RAI14: variants seen among roughly 807,000 people sequenced by gnomAD.
RAI14 encodes the protein retinoic acid induced 14, also known as ankycorbin.
A neutral mutation model predicts 115.4 loss-of-function variants in RAI14; 45 were observed. The observed-to-expected ratio is 0.39, with a 90% CI of 0.31 to 0.50. RAI14 has a LOEUF of 0.50. Among genes scored for constraint, RAI14 ranks in the 20% least tolerant of loss-of-function variants. The probability of loss-of-function intolerance (pLI) is 0.85; values close to 1 mark genes in which losing one functional copy is unlikely to be tolerated. For synonymous variants in RAI14, 371 were observed against 415.4 expected (o/e 0.89, Z 1.30); for missense variants, 939 against 1,131.2 (o/e 0.83, Z 2.44).
intron 2 of RAI14, among the ~76,000 whole-genome samples, chr5:34,738,202 T>A (rs1156654752): frequency 6.6e-6 from 1 of 152,092 alleles, no homozygotes; most frequent in African/African-American, 2.4e-5. Context: ...GGCAGGTGGA[T>A]TGCTTGAGCT....
intron 2 of RAI14, among the ~76,000 whole-genome samples, chr5:34,708,971 T>TA (rs1741066733): frequency 1.3e-5 from 2 of 151,232 alleles, no homozygotes. Context: ...AGCAAGACCC[T>TA]ATCTCTATAA....
intron 3 of RAI14, among the ~76,000 whole-genome samples, chr5:34,770,893 A>G (rs1338456692): frequency 6.6e-6 from 1 of 152,206 alleles, no homozygotes; most frequent in Non-Finnish European, 1.5e-5. Context: ...CTCTCCAGAA[A>G]GACATCATAT....
intron 2 of RAI14, among the ~76,000 whole-genome samples, chr5:34,751,618 A>G (rs1747032175): frequency 6.6e-6 from 1 of 151,896 alleles, no homozygotes; most frequent in Admixed American, 6.6e-5. Context: ...TAGTTTGTTC[A>G]TTTTCATTGC....
chr5:34,796,060 C>A (rs746200754), intron 4 of RAI14, 33 bp downstream of exon 4: 2 of 1,514,822 alleles, frequency 1.3e-6, no homozygotes, highest in African/African-American at 1.4e-5. Context: ...AGTCAGCAGG[C>A]CAGCACCAGA....
Position 34,823,163 on chromosome 5 carries a change from C to A in RAI14, c.1321C>A (p.Leu441Ile). ...GCAACTGCAAGAGATTTTGCAAGAT[C>A]TACAGAAGAGATTAGAGAGCTCTGA... ...IQQLQEILQD[L>I]QKRLESSEAE... The change falls in exon 15 of 18, where the codon CTA (leucine) becomes ATA (isoleucine). Residue 441 changes from leucine to isoleucine, a missense_variant. Transcript: ENST00000265109. The surrounding 1 kb of genome is among the most constrained non-coding windows in gnomAD (Gnocchi z 4.5). 6.2e-7 allele frequency: 1 copy of A among 1,613,420 alleles called. No homozygotes were observed. Among genetic ancestry groups the A allele is most frequent in the Non-Finnish European group, 8.5e-7 (1 of 1,179,358 alleles).
chr5:34,680,084 T>A (rs1352211747), intron 1 of RAI14, among the ~76,000 whole-genome samples: 6 of 152,300 alleles, frequency 3.9e-5, no homozygotes, highest in African/African-American at 1.4e-4. Context: ...TAGTCTGAGA[T>A]GTAAATTTTC....
rs6888508 is a variant in RAI14, at chr5:34,754,331, C to T, written c.37-3137C>T. The stretch of plus-strand genomic sequence containing the variant: ...TCAGAATCCAGATTCCTGGATCAGA[C>T]GTCTAATTGGGACCCTACTTGGCCT... On this transcript the variant is annotated intron_variant, in intron 2 of 17. Transcript: ENST00000265109. 1.7e-3 allele frequency among the ~76,000 whole-genome samples: 253 copies of T among 152,214 alleles called. 1 individual carries two copies. Among genetic ancestry groups the T allele is most frequent in the African/African-American group, 5.8e-3 (241 of 41,550 alleles).
chr5:34,806,871 G>C (rs1029730089), intron 5 of RAI14, among the ~76,000 whole-genome samples: 1 of 152,180 alleles, frequency 6.6e-6, no homozygotes, highest in Non-Finnish European at 1.5e-5. Flanking sequence ...AAGAATACAG[G>C]CCCTAGCCCA....
intron 2 of RAI14, among the ~76,000 whole-genome samples, chr5:34,719,743 T>C (rs1220087438): frequency 6.6e-6 from 1 of 152,204 alleles, no homozygotes; most frequent in African/African-American, 2.4e-5. Flanking sequence ...TTTAGATGTC[T>C]GGTCAATGGC....
intron 3 of RAI14, 110 bp from the exon 4 acceptor site, chr5:34,795,829 A>C: frequency 1.3e-6 from 1 of 784,706 alleles, no homozygotes; most frequent in Non-Finnish European, 2.1e-6. Flanking sequence ...TGTAGAGCTC[A>C]AGGAAGAGAA....
At chr5:34,799,445 A>G (rs2150219414) in intron 4 of RAI14, among the ~76,000 whole-genome samples, 1 of 151,938 alleles carries the variant, frequency 6.6e-6, no homozygotes, top group East Asian at 1.9e-4. Context: ...ATCTGTTACC[A>G]TAAATCCTGC....
chr5:34,764,703 TA>T (rs1749129824), intron 3 of RAI14, among the ~76,000 whole-genome samples: 3 of 152,122 alleles, frequency 2.0e-5, no homozygotes. Context: ...GTTTTTTTTT[TA>T]AAGGAAGCAG....
chr5:34,749,825 C>T (rs996170415), intron 2 of RAI14, among the ~76,000 whole-genome samples: 1 of 152,138 alleles, frequency 6.6e-6, no homozygotes, highest in Non-Finnish European at 1.5e-5. Context: ...TTAATGTTCT[C>T]TGTTGAAATC....
chr5:34,823,257 C>A lies in RAI14; in HGVS notation c.1415C>A (p.Thr472Asn). 1 of 1,614,072 alleles carries A rather than the reference C, an allele frequency of 6.2e-7. No homozygotes were observed. The highest frequency in any genetic ancestry group is 8.5e-7 in the Non-Finnish European group (1 of 1,180,042). ...RRAELVCLNN[T>N]EISENSSDLS... ...GCAGAACTGGTATGCTTAAACAACA[C>A]TGAGATTTCAGAGAACAGCTCTGAC... The change falls in exon 15 of 18, where the codon ACT becomes AAT. Residue 472 changes from threonine to asparagine, a missense_variant. Thr to Asn is a moderately conservative substitution (Grantham distance 65). Coordinates refer to ENST00000265109, the MANE Select transcript of RAI14 (RefSeq NM_015577.3). This position sits in a 1 kb window ranked among gnomAD's most constrained non-coding sequence, Gnocchi z 4.5.
At chr5:34,701,541 C>A (rs1031182698) in intron 2 of RAI14, among the ~76,000 whole-genome samples, 4 of 152,130 alleles carry the variant, frequency 2.6e-5, no homozygotes, top group African/African-American at 9.7e-5. Context: ...AGTCTTTAGA[C>A]AAACTCAACC....
intron 7 of RAI14, among the ~76,000 whole-genome samples, chr5:34,810,611 C>T (rs1295818349): frequency 6.6e-6 from 1 of 152,094 alleles, no homozygotes; most frequent in Non-Finnish European, 1.5e-5. Flanking sequence ...GAATAAGCTG[C>T]CTACAGGGCA....
intron 3 of RAI14, among the ~76,000 whole-genome samples, chr5:34,777,873 G>T (rs931192963): frequency 1.7e-5 from 2 of 118,164 alleles, no homozygotes; most frequent in Admixed American, 1.7e-4. Context: ...GGTGTGTGTG[G>T]GGGGGGTGTG....
chr5:34,671,793 G>A (rs1743638366), intron 1 of RAI14, among the ~76,000 whole-genome samples: 1 of 152,032 alleles, frequency 6.6e-6, no homozygotes, highest in African/African-American at 2.4e-5. Context: ...CATTTACAGT[G>A]CATCTCAATT....
At chr5:34,782,860 A>G (rs1373292503) in intron 3 of RAI14, among the ~76,000 whole-genome samples, 2 of 152,216 alleles carry the variant, frequency 1.3e-5, no homozygotes, top group Non-Finnish European at 2.9e-5. Flanking sequence ...GGAATAATCA[A>G]TGATGATTCC....
Sources: gnomAD v4.1 joint callset for allele counts (sites outside exome capture counted in the v4.1 genomes callset) on GRCh38, gnomAD v4.1.1 for gene constraint, Gnocchi (gnomAD v3.1) non-coding constraint, MANE v1.5 for transcripts, NCBI Gene and HGNC (gene_info 2026-07-23, HGNC 2026-07-21) for gene names.